SKP1: variants seen among roughly 807,000 people sequenced by gnomAD.
SKP1 encodes the protein S-phase kinase-associated protein 1.
Under a neutral mutation model 21.5 loss-of-function variants are expected in SKP1, and 1 was observed. The observed-to-expected ratio is 0.05, with a 90% CI of 0.02 to 0.22. The LOEUF (loss-of-function observed/expected upper bound fraction) is 0.22, where lower values mean the gene tolerates loss of function less well. Ranked by LOEUF, SKP1 falls within the 10% of genes least tolerant of loss-of-function variation. SKP1 has a pLI of 1.00. For synonymous variants in SKP1, 59 were observed against 59.3 expected, an observed-to-expected ratio of 0.99 and a Z score of 0.03; for missense variants, 70 against 192.0, an observed-to-expected ratio of 0.36 and a Z score of 3.76.
rs1374399157 is a variant in SKP1 at position 134,156,559 on chromosome 5, G to C, written c.*1174C>G. On this transcript the variant is annotated 3_prime_UTR_variant, in exon 6 of 6. Transcript: ENST00000353411. ...ATATAGATGTTAACTGGAAAAGCAA[G>C]GAGAAAAAAAGGGAGCACAAGGAAG... 1 of 151,814 alleles carries C rather than the reference G, an allele frequency of 6.6e-6. No individual in the cohort carries two copies. The highest frequency in any genetic ancestry group is 1.5e-5 in the Non-Finnish European group (1 of 67,956). 9.4% of individuals were successfully genotyped at this position (151,814 alleles called of 1,614,324 possible). A position where few individuals can be genotyped will look rare whatever the true frequency, so the allele number is the denominator to read the frequency against.
At chr5:134,170,009 A>G (rs1325159317) in intron 2 of SKP1, among the ~76,000 whole-genome samples, 5 of 151,424 alleles carry the variant, frequency 3.3e-5, no homozygotes, top group Non-Finnish European at 2.9e-5. Flanking sequence ...TCAAAAAAAA[A>G]AAAAAAAAAA....
chr5:134,158,841 C>T (rs912503046), intron 4 of SKP1, among the ~76,000 whole-genome samples: 4 of 152,156 alleles, frequency 2.6e-5, no homozygotes, highest in African/African-American at 4.8e-5. Flanking sequence ...TGTGAAATAA[C>T]GGCCACTACT....
rs1309182324 is a variant in SKP1, at chr5:134,156,982, G to A, written c.*751C>T. 1.3e-5 allele frequency: 2 copies of A among 152,598 alleles called. No individual in the cohort carries two copies. Among genetic ancestry groups the A allele is most frequent in the Non-Finnish European group, 2.9e-5 (2 of 68,026 alleles). 9.5% of individuals were successfully genotyped at this position (152,598 alleles called of 1,614,324 possible). A position where few individuals can be genotyped will look rare whatever the true frequency, so the allele number is the denominator to read the frequency against. The stretch of plus-strand genomic sequence containing the variant: ...AAGTTAAATTATTCTTTACATGCAA[G>A]TAGTGTGAATAATTTTCTCCACATG... On this transcript the variant is annotated 3_prime_UTR_variant, in exon 6 of 6. Transcript: ENST00000353411.
rs1335700357 is a variant in SKP1, at chr5:134,151,878, G to A, written c.*5855C>T. On this transcript the variant is annotated 3_prime_UTR_variant, in exon 6 of 6. Transcript: ENST00000353411. Reference sequence around the variant, plus strand: ...CCCGCATTGGAAGTGTGTCAAGCAAGAGCACCTTCGACAACACTTTTCGGC... The same window carrying A: ...CCCGCATTGGAAGTGTGTCAAGCAAAAGCACCTTCGACAACACTTTTCGGC... The A allele has an allele frequency of 6.3e-6, 2 of 318,382 alleles. No homozygotes were observed. Among genetic ancestry groups the A allele is most frequent in the East Asian group, 1.6e-4 (2 of 12,680 alleles). The allele number at this position is 318,382 out of a possible 1,614,324, so 19.7% of individuals were successfully genotyped here. A position where few individuals can be genotyped will look rare whatever the true frequency, so the allele number is the denominator to read the frequency against.
chr5:134,173,838 T>A, intron 2 of SKP1, 88 bp downstream of exon 2: 2 of 809,956 alleles, frequency 2.5e-6, no homozygotes, highest in Admixed American at 3.5e-5. Context: ...AAGCACCTTA[T>A]GACAGGCTGC....
rs115730948 is a variant in SKP1, at chr5:134,168,180, G to C, written c.98-937C>G. On this transcript the variant is annotated intron_variant, in intron 2 of 5. Coordinates refer to ENST00000353411, the MANE Select transcript of SKP1 (RefSeq NM_170679.3). Reference sequence around the variant, plus strand: ...AAAAGTGATTTAGTAAGTTGGGCTTGAATGACTGGGTAGCCATCTGAAAAA... The same window carrying C: ...AAAAGTGATTTAGTAAGTTGGGCTTCAATGACTGGGTAGCCATCTGAAAAA... 6.1e-3 allele frequency among the ~76,000 whole-genome samples: 924 copies of C among 152,284 alleles called. 11 individuals carry two copies. The highest frequency in any genetic ancestry group is 0.021 in the African/African-American group (880 of 41,558).
intron 3 of SKP1, among the ~76,000 whole-genome samples, chr5:134,166,389 T>C (rs1309139723): frequency 4.0e-5 from 6 of 151,654 alleles, no homozygotes. Context: ...AAAACCATCC[T>C]GGCCAACATG....
intron 2 of SKP1, chr5:134,170,853 A>T: frequency 2.7e-6 from 1 of 376,328 alleles, no homozygotes; most frequent in Non-Finnish European, 5.2e-6. Flanking sequence ...TGTGTCAGGC[A>T]CCAAGATAAA....
At chr5:134,166,809 G>T (rs1208965962) in intron 3 of SKP1, among the ~76,000 whole-genome samples, 2 of 152,092 alleles carry the variant, frequency 1.3e-5, no homozygotes, top group East Asian at 3.9e-4. Context: ...TCTAGAAGTG[G>T]TATCTTTACA....
rs544607385 is a variant in SKP1, at chr5:134,150,022, T to A, written c.*7711A>T. Reference sequence around the variant, plus strand: ...AGAACCAACCCTGTTTCCTGAGACATCATAAGACAAGATACCTTAGCCTCC... The same window carrying A: ...AGAACCAACCCTGTTTCCTGAGACAACATAAGACAAGATACCTTAGCCTCC... On this transcript the variant is annotated 3_prime_UTR_variant, in exon 6 of 6. Transcript: ENST00000353411. The A allele has an allele frequency of 1.1e-4, 16 of 152,206 alleles. No homozygotes were observed. The highest frequency in any genetic ancestry group is 5.2e-4 in the Admixed American group (8 of 15,296). The allele number at this position is 152,206 out of a possible 1,614,324, so 9.4% of individuals were successfully genotyped here.
chr5:134,152,206 T>G lies in SKP1; in HGVS notation c.*5527A>C, dbSNP rs1476483366. On this transcript the variant is annotated 3_prime_UTR_variant, in exon 6 of 6. Transcript: ENST00000353411. Reference sequence around the variant, plus strand: ...AAAATAAATAAATAAAAATTAAAATTAAAAAAATTAGAATTTAGCTCACTC... The same window carrying G: ...AAAATAAATAAATAAAAATTAAAATGAAAAAAATTAGAATTTAGCTCACTC... The G allele has an allele frequency of 6.7e-6, 1 of 149,414 alleles. No homozygotes were observed. Among genetic ancestry groups the G allele is most frequent in the Admixed American group, 6.7e-5 (1 of 14,956 alleles). The allele number at this position is 149,414 out of a possible 1,614,324, so 9.3% of individuals were successfully genotyped here. A position where few individuals can be genotyped will look rare whatever the true frequency, so the allele number is the denominator to read the frequency against.
At chr5:134,160,453 T>G (rs978622909) in intron 4 of SKP1, among the ~76,000 whole-genome samples, 49 of 152,268 alleles carry the variant, frequency 3.2e-4, no homozygotes, top group African/African-American at 1.1e-3. Context: ...TCTAGTTATA[T>G]TAATTGAGAG....
rs1436615910 is a variant in SKP1, at chr5:134,156,144, A to G, written c.*1589T>C. On this transcript the variant is annotated 3_prime_UTR_variant, in exon 6 of 6. Transcript: ENST00000353411. Reference sequence around the variant, plus strand: ...AGGTTTTTGCAGAAGTTGATCTTATAATAGCAGGAATTGGTAGATGAGACA... The same window carrying G: ...AGGTTTTTGCAGAAGTTGATCTTATGATAGCAGGAATTGGTAGATGAGACA... 1 of 152,116 alleles carries G rather than the reference A, an allele frequency of 6.6e-6. No individual in the cohort carries two copies. Among genetic ancestry groups the G allele is most frequent in the Admixed American group, 6.6e-5 (1 of 15,262 alleles). The allele number at this position is 152,116 out of a possible 1,614,324, so 9.4% of individuals were successfully genotyped here.
In SKP1 at chr5:134,155,658, G is replaced by A. The variant is rs969113253; in HGVS notation, c.*2075C>T. 2.6e-5 allele frequency: 4 copies of A among 152,282 alleles called. No individual in the cohort carries two copies. The highest frequency in any genetic ancestry group is 7.2e-5 in the African/African-American group (3 of 41,556). The allele number at this position is 152,282 out of a possible 1,614,324, so 9.4% of individuals were successfully genotyped here. ...TACTCATATAATTCTAACTACTGCTGAGTATTATACAGATCAAGTGGTAAT... is the reference window on the plus strand; with the variant it reads ...TACTCATATAATTCTAACTACTGCTAAGTATTATACAGATCAAGTGGTAAT... On this transcript the variant is annotated 3_prime_UTR_variant, in exon 6 of 6. Transcript: ENST00000353411.
At chr5:134,174,247 T>TA (rs1761497001) in intron 1 of SKP1, among the ~76,000 whole-genome samples, 1 of 152,232 alleles carries the variant, frequency 6.6e-6, no homozygotes, top group Non-Finnish European at 1.5e-5. Context: ...CAGAAGCTTT[T>TA]AAGGCCTGCC....
chr5:134,176,052 G>A (rs1456564073), intron 1 of SKP1, among the ~76,000 whole-genome samples: 1 of 152,170 alleles, frequency 6.6e-6, no homozygotes, highest in Non-Finnish European at 1.5e-5. Context: ...CGCTCTAAAG[G>A]AAAAATGCAT....
rs1761137298 is a variant in SKP1, at chr5:134,157,323, T to G, written c.*410A>C. ...AAGCCTTTTTCCAGTTTCCAACTCA[T>G]GAATAAAGATAATATTTTGTTAATT... On this transcript the variant is annotated 3_prime_UTR_variant, in exon 6 of 6. Coordinates refer to ENST00000353411, the MANE Select transcript of SKP1 (RefSeq NM_170679.3). 1.1e-5 allele frequency: 2 copies of G among 184,386 alleles called. No individual in the cohort carries two copies. Among genetic ancestry groups the G allele is most frequent in the Non-Finnish European group, 2.3e-5 (2 of 87,598 alleles). The allele number at this position is 184,386 out of a possible 1,614,324, so 11.4% of individuals were successfully genotyped here. A position where few individuals can be genotyped will look rare whatever the true frequency, so the allele number is the denominator to read the frequency against.
rs764784668 is a variant in SKP1, at chr5:134,153,808, T to C, written c.*3925A>G. ...AAAAATCAATGTGATTTGGAATATC[T>C]GCCTGCCCTAAGTGAGATGCCCACA... On this transcript the variant is annotated 3_prime_UTR_variant, in exon 6 of 6. Coordinates refer to ENST00000353411, the MANE Select transcript of SKP1 (RefSeq NM_170679.3). The C allele has an allele frequency of 2.6e-5, 4 of 152,212 alleles. No individual in the cohort carries two copies. Among genetic ancestry groups the C allele is most frequent in the Non-Finnish European group, 5.9e-5 (4 of 68,038 alleles). The allele number at this position is 152,212 out of a possible 1,614,324, so 9.4% of individuals were successfully genotyped here. A position where few individuals can be genotyped will look rare whatever the true frequency, so the allele number is the denominator to read the frequency against.
At chr5:134,166,283 C>G (rs1305083259) in intron 3 of SKP1, among the ~76,000 whole-genome samples, 2 of 150,942 alleles carry the variant, frequency 1.3e-5, no homozygotes, top group African/African-American at 4.9e-5. Flanking sequence ...AGTTTGCTAC[C>G]TTAAGAATGG....
Sources: allele counts gnomAD v4.1 joint callset (sites outside exome capture counted in the v4.1 genomes callset), GRCh38; gene constraint gnomAD v4.1.1; transcripts MANE v1.5; gene names NCBI Gene and HGNC (gene_info 2026-07-23, HGNC 2026-07-21).